The following NALF1 variants were observed in gnomAD, a reference collection of about 807,000 sequenced individuals.
NALF1 encodes family with sequence similarity 155 member A.
A neutral mutation model predicts 48.4 loss-of-function variants in NALF1; 3 were observed. That is an observed-to-expected ratio of 0.06 (90% CI 0.03 to 0.16). The LOEUF is 0.16. Among genes scored for constraint, NALF1 ranks in the 10% least tolerant of loss-of-function variants. The probability of loss-of-function intolerance (pLI) is 1.00; values close to 1 mark genes in which losing one functional copy is unlikely to be tolerated. For synonymous variants in NALF1, 262 were observed against 245.7 expected (o/e 1.07, Z -0.62); for missense variants, 526 against 571.5 (o/e 0.92, Z 0.81).
chr13:107,577,940 T>C (rs944041363), intron 1 of NALF1, among the ~76,000 whole-genome samples: 5 of 152,126 alleles, frequency 3.3e-5, no homozygotes, highest in African/African-American at 7.2e-5. Context: ...CAAGTAGCAG[T>C]TCTAATTTTT....
chr13:107,266,057 T>C (rs996863313), intron 1 of NALF1, among the ~76,000 whole-genome samples: 10 of 152,130 alleles, frequency 6.6e-5, no homozygotes, highest in African/African-American at 2.4e-4. Flanking sequence ...AAAGAAGACA[T>C]AAAGGTTAAA....
At chr13:107,444,918 AT>A (rs930980943) in intron 1 of NALF1, among the ~76,000 whole-genome samples, 1 of 152,112 alleles carries the variant, frequency 6.6e-6, no homozygotes, top group African/African-American at 2.4e-5. Flanking sequence ...AGTTGCAGAA[AT>A]TTTTTTTATA....
intron 1 of NALF1, among the ~76,000 whole-genome samples, chr13:107,678,471 G>A (rs1357949682): frequency 6.6e-6 from 1 of 152,210 alleles, no homozygotes; most frequent in African/African-American, 2.4e-5. Context: ...AAGAAACAGA[G>A]CTGTGTCCTA....
In NALF1 at chr13:107,867,279, A is replaced by AC. The variant is rs1391504724; in HGVS notation, c.-684dup. 2.6e-5 allele frequency among the ~76,000 whole-genome samples: 1 copy of AC among 38,198 alleles called. No homozygotes were observed. Among genetic ancestry groups the AC allele is most frequent in the Non-Finnish European group, 5.6e-5 (1 of 17,824 alleles). 25.1% of individuals were successfully genotyped at this position (38,198 alleles called of 152,430 possible). A position where few individuals can be genotyped will look rare whatever the true frequency, so the allele number is the denominator to read the frequency against. On this transcript the variant is annotated 5_prime_UTR_variant, in exon 1 of 3. Transcript: ENST00000375915. This position sits in a 1 kb window ranked among gnomAD's most constrained non-coding sequence, Gnocchi z 4.4. ...TCCGGCGGGGCGCTCCCTCCCCCCC[A>AC]CCCCCCACCCCGCGCTCTAAGTGCT...
chr13:107,825,042 A>G (rs936158743), intron 1 of NALF1, among the ~76,000 whole-genome samples: 1 of 152,196 alleles, frequency 6.6e-6, no homozygotes, highest in African/African-American at 2.4e-5. Flanking sequence ...TTCCAATAGT[A>G]TTTTGGATAT....
intron 1 of NALF1, among the ~76,000 whole-genome samples, chr13:107,630,083 G>C (rs1339252231): frequency 6.6e-6 from 1 of 152,104 alleles, no homozygotes; most frequent in Non-Finnish European, 1.5e-5. Flanking sequence ...TATGCCAGGT[G>C]TTCCATTATT....
chr13:107,859,386 G>A (rs1357335834), intron 1 of NALF1, among the ~76,000 whole-genome samples: 1 of 152,114 alleles, frequency 6.6e-6, no homozygotes, highest in South Asian at 2.1e-4. Context: ...AAGCATCTGA[G>A]ATAGCTTCTA....
intron 1 of NALF1, among the ~76,000 whole-genome samples, chr13:107,367,496 C>T (rs1489860572): frequency 2.6e-5 from 4 of 152,104 alleles, no homozygotes; most frequent in African/African-American, 9.7e-5. Flanking sequence ...CATTTGATTC[C>T]CGTCTCTCCC....
chr13:107,751,684 T>C (rs1208946994), intron 1 of NALF1, among the ~76,000 whole-genome samples: 2 of 152,102 alleles, frequency 1.3e-5, no homozygotes, highest in Non-Finnish European at 2.9e-5. Context: ...ATAATGGCTG[T>C]AAAATAATGT....
intron 1 of NALF1, among the ~76,000 whole-genome samples, chr13:107,345,917 C>T (rs545645206): frequency 1.6e-4 from 25 of 152,082 alleles, no homozygotes; most frequent in African/African-American, 2.7e-4. Flanking sequence ...ATAGTAACAA[C>T]GAAAATCAAC....
At chr13:107,179,692 G>A (rs1250439950) in intron 2 of NALF1, among the ~76,000 whole-genome samples, 1 of 148,254 alleles carries the variant, frequency 6.7e-6, no homozygotes, top group Admixed American at 6.7e-5. Flanking sequence ...AAAAACCACA[G>A]CAGAATATTT....
chr13:107,383,641 G>C (rs1266069335), intron 1 of NALF1, among the ~76,000 whole-genome samples: 1 of 151,974 alleles, frequency 6.6e-6, no homozygotes, highest in Non-Finnish European at 1.5e-5. Context: ...TTATACCTTT[G>C]TCATGCTTAA....
At chr13:107,615,246 G>T (rs11069696) in intron 1 of NALF1, among the ~76,000 whole-genome samples, 23,139 of 152,126 alleles carry the variant, frequency 0.15, 2,434 homozygotes, top group East Asian at 0.37. Flanking sequence ...CTCTGAAGAT[G>T]CCTGTCCTCT....
chr13:107,465,602 A>G (rs1266276590), intron 1 of NALF1, among the ~76,000 whole-genome samples: 3 of 152,194 alleles, frequency 2.0e-5, no homozygotes, highest in African/African-American at 7.2e-5. Flanking sequence ...TTCACCAACC[A>G]GAACTTGGAA....
At chr13:107,496,217 T>G (rs1039815151) in intron 1 of NALF1, among the ~76,000 whole-genome samples, 1 of 152,202 alleles carries the variant, frequency 6.6e-6, no homozygotes, top group Non-Finnish European at 1.5e-5. Context: ...TACCATCCCA[T>G]GTGTTTTGAA....
intron 1 of NALF1, among the ~76,000 whole-genome samples, chr13:107,780,960 T>C (rs1272445665): frequency 6.6e-6 from 1 of 152,154 alleles, no homozygotes; most frequent in South Asian, 2.1e-4. Flanking sequence ...AGTATATTGC[T>C]GATGGCATTT....
At chr13:107,731,497 C>T (rs1416634396) in intron 1 of NALF1, among the ~76,000 whole-genome samples, 1 of 151,912 alleles carries the variant, frequency 6.6e-6, no homozygotes, top group African/African-American at 2.4e-5. Flanking sequence ...ATTTTGTCAC[C>T]CAGTATTAAG....
At chr13:107,316,436 T>A (rs1449970691) in intron 1 of NALF1, among the ~76,000 whole-genome samples, 1 of 152,222 alleles carries the variant, frequency 6.6e-6, no homozygotes, top group South Asian at 2.1e-4. Flanking sequence ...CTGGGTCAAA[T>A]GGTATTTCTC....
intron 1 of NALF1, among the ~76,000 whole-genome samples, chr13:107,572,224 A>G (rs1474383491): frequency 6.6e-6 from 1 of 152,154 alleles, no homozygotes; most frequent in African/African-American, 2.4e-5. Flanking sequence ...CTTTCTGCAT[A>G]TCTTGTGAGG....
Sources: allele counts gnomAD v4.1 joint callset (sites outside exome capture counted in the v4.1 genomes callset), GRCh38; gene constraint gnomAD v4.1.1; non-coding constraint Gnocchi (gnomAD v3.1); transcripts MANE v1.5; gene names NCBI Gene and HGNC (gene_info 2026-07-23, HGNC 2026-07-21).